METTL8: variants seen among roughly 807,000 people sequenced by gnomAD.
METTL8 encodes tRNA N(3)-cytidine methyltransferase METTL8, mitochondrial.
In METTL8, 32 loss-of-function variants were observed where a neutral mutation model predicts 48.7. That is an observed-to-expected ratio of 0.66 (90% CI 0.50 to 0.88). The LOEUF is 0.88. Among genes scored for constraint, METTL8 ranks in the 40% least tolerant of loss-of-function variants. The probability of loss-of-function intolerance (pLI) is 0.00; values close to 1 mark genes in which losing one functional copy is unlikely to be tolerated. For missense variants in METTL8, 464 were observed against 474.4 expected (o/e 0.98, Z 0.20); for synonymous variants, 136 against 157.1 (o/e 0.87, Z 1.01).
intron 2 of METTL8, among the ~76,000 whole-genome samples, chr2:171,391,409 A>T (rs1688567336): frequency 6.6e-6 from 1 of 152,206 alleles, no homozygotes; most frequent in Non-Finnish European, 1.5e-5. Flanking sequence ...TGTGCCTGTA[A>T]TCGTAATCTC....
At chr2:171,365,439 G>A (rs1685613422) in intron 2 of METTL8, among the ~76,000 whole-genome samples, 2 of 152,060 alleles carry the variant, frequency 1.3e-5, no homozygotes, top group South Asian at 4.2e-4. Flanking sequence ...CCCTAAGAAC[G>A]AAGAGCTTGT....
At chr2:171,376,574 C>T (rs1686989536) in intron 2 of METTL8, among the ~76,000 whole-genome samples, 2 of 152,064 alleles carry the variant, frequency 1.3e-5, no homozygotes, top group South Asian at 4.1e-4. Context: ...TGAGAATCAA[C>T]TCAATAACTC....
intron 3 of METTL8, among the ~76,000 whole-genome samples, chr2:171,341,673 C>T (rs1035998332): frequency 6.6e-6 from 1 of 151,910 alleles, no homozygotes; most frequent in Non-Finnish European, 1.5e-5. Flanking sequence ...TAGACGCATG[C>T]CATTTTAAAA....
At chr2:171,411,028 A>C (rs1176871859) in intron 1 of METTL8, among the ~76,000 whole-genome samples, 2 of 152,218 alleles carry the variant, frequency 1.3e-5, no homozygotes. Context: ...TACAGTGGGA[A>C]AGATCCCTCT....
chr2:171,344,837 CAACA>C (rs1687110797), intron 3 of METTL8, among the ~76,000 whole-genome samples: 1 of 152,108 alleles, frequency 6.6e-6, no homozygotes, highest in South Asian at 2.1e-4. Context: ...GATTATGAGA[CAACA>C]AACACCTTCA....
chr2:171,353,783 C>T (rs1233923627), intron 3 of METTL8, among the ~76,000 whole-genome samples: 4 of 152,154 alleles, frequency 2.6e-5, no homozygotes, highest in Non-Finnish European at 5.9e-5. Context: ...GATTGCAACC[C>T]CTGCTTTTTT....
At position 171,331,938 on chromosome 2, in the gene METTL8, T is replaced by C. The variant is rs1258288044; in HGVS notation, c.657-71A>G. ...TCTTGCGCTGTTGCCCAGGTTGGAG[T>C]GTAGTAACGTGACCATAGCTCACTA... On this transcript the variant is annotated intron_variant, in intron 5 of 9. Coordinates refer to ENST00000375258, the MANE Select transcript of METTL8 (RefSeq NM_001321154.2). 2.7e-6 allele frequency: 3 copies of C among 1,102,080 alleles called. No individual in the cohort carries two copies. The South Asian group carries it at 4.1e-5, about 15-fold the overall frequency. 68.3% of individuals were successfully genotyped at this position (1,102,080 alleles called of 1,614,324 possible). A position where few individuals can be genotyped will look rare whatever the true frequency, so the allele number is the denominator to read the frequency against.
At chr2:171,400,284 T>G (rs995242701) in intron 1 of METTL8, among the ~76,000 whole-genome samples, 1 of 152,282 alleles carries the variant, frequency 6.6e-6, no homozygotes, top group Non-Finnish European at 1.5e-5. Context: ...GATGTTTTTG[T>G]TTTTGCTTTT....
chr2:171,411,037 C>A (rs1444762729), intron 1 of METTL8, among the ~76,000 whole-genome samples: 1 of 152,114 alleles, frequency 6.6e-6, no homozygotes, highest in East Asian at 1.9e-4. Flanking sequence ...AAAGATCCCT[C>A]TACAAATTCA....
At chr2:171,377,062 C>G (rs1368340382) in intron 2 of METTL8, among the ~76,000 whole-genome samples, 1 of 152,090 alleles carries the variant, frequency 6.6e-6, no homozygotes, top group Non-Finnish European at 1.5e-5. Context: ...GCCAACTAAT[C>G]TTCAACAAAA....
At chr2:171,385,366 G>A (rs1175719559) in intron 2 of METTL8, among the ~76,000 whole-genome samples, 1 of 151,710 alleles carries the variant, frequency 6.6e-6, no homozygotes, top group African/African-American at 2.4e-5. Flanking sequence ...TTCAGCAAGA[G>A]AGGAAACACT....
At chr2:171,403,880 G>A (rs1385004175) in intron 1 of METTL8, among the ~76,000 whole-genome samples, 1 of 151,076 alleles carries the variant, frequency 6.6e-6, no homozygotes, top group Non-Finnish European at 1.5e-5. Context: ...TAAGCAGTTT[G>A]AATATTTTCT....
At chr2:171,353,666 T>C (rs527823337) in intron 3 of METTL8, among the ~76,000 whole-genome samples, 1 of 152,362 alleles carries the variant, frequency 6.6e-6, no homozygotes, top group African/African-American at 2.4e-5. Flanking sequence ...TGCATATATA[T>C]TCAGGATAGT....
chr2:171,377,069 A>G (rs566220951), intron 2 of METTL8, among the ~76,000 whole-genome samples: 2 of 152,192 alleles, frequency 1.3e-5, no homozygotes, highest in Non-Finnish European at 1.5e-5. Context: ...AATCTTCAAC[A>G]AAACATACAA....
In METTL8 at chr2:171,316,182, T is replaced by G; in HGVS notation, c.*7990A>C. 2.0e-5 allele frequency among the ~76,000 whole-genome samples: 3 copies of G among 152,364 alleles called. 1 individual carries two copies. In the South Asian group the frequency reaches 6.2e-4, roughly 32 times the overall value. ...TTTGAGAAATGGAAAAGAAAATCTA[T>G]GAGGAAAACGTCAGCTTGCTTATCC... On this transcript the variant is annotated 3_prime_UTR_variant, in exon 10 of 10. Coordinates refer to ENST00000375258, the MANE Select transcript of METTL8 (RefSeq NM_001321154.2).
At chr2:171,401,425 GAAC>G (rs1398582503) in intron 1 of METTL8, among the ~76,000 whole-genome samples, 4 of 152,124 alleles carry the variant, frequency 2.6e-5, no homozygotes, top group Non-Finnish European at 4.4e-5. Context: ...AGCAAGAACA[GAAC>G]AACAACAATA....
At chr2:171,361,717 T>C (rs1405620004) in intron 2 of METTL8, among the ~76,000 whole-genome samples, 1 of 152,162 alleles carries the variant, frequency 6.6e-6, no homozygotes, top group African/African-American at 2.4e-5. Flanking sequence ...AGAATTCACC[T>C]AGGTTTGTGT....
chr2:171,409,010 G>T (rs148605729), intron 1 of METTL8, among the ~76,000 whole-genome samples: 629 of 152,264 alleles, frequency 4.1e-3, no homozygotes, highest in African/African-American at 0.014. Context: ...CTAAGATGCT[G>T]CTTAATTTGA....
intron 2 of METTL8, among the ~76,000 whole-genome samples, chr2:171,367,033 A>G (rs1685799767): frequency 6.6e-6 from 1 of 152,160 alleles, no homozygotes; most frequent in Admixed American, 6.5e-5. Flanking sequence ...AGTCTCAGTA[A>G]CCTGTGGGAT....
Sources: allele counts gnomAD v4.1 joint callset (sites outside exome capture counted in the v4.1 genomes callset), GRCh38; gene constraint gnomAD v4.1.1; transcripts MANE v1.5; gene names NCBI Gene and HGNC (gene_info 2026-07-23, HGNC 2026-07-21).